Variants in MYO5A observed in about 807,000 individuals in gnomAD.
MYO5A encodes the protein myosin VA.
A neutral mutation model predicts 249.7 loss-of-function variants in MYO5A; 98 were observed. The observed-to-expected ratio is 0.39, with a 90% confidence interval of 0.33 to 0.46. The LOEUF is 0.46. MYO5A is among the 20% of genes least tolerant of loss of function. MYO5A has a pLI of 0.98. For synonymous variants in MYO5A, 778 were observed against 810.6 expected (o/e 0.96, Z 0.68); for missense variants, 1,696 against 2,308.8 (o/e 0.73, Z 5.44).
chr15:52,464,344 G>A (rs2076312501), intron 1 of MYO5A, among the ~76,000 whole-genome samples: 1 of 152,168 alleles, frequency 6.6e-6, no homozygotes, highest in African/African-American at 2.4e-5. Flanking sequence ...GTTGTTCCTA[G>A]AACACCCAAA....
intron 1 of MYO5A, among the ~76,000 whole-genome samples, chr15:52,520,554 T>C (rs1018087559): frequency 6.6e-6 from 1 of 152,212 alleles, no homozygotes; most frequent in Non-Finnish European, 1.5e-5. Context: ...CCAATGACCA[T>C]GTCTGAGCCT....
intron 41 of MYO5A, 50 bp from the exon 42 acceptor site, chr15:52,313,898 A>C (rs781650061): frequency 1.1e-5 from 17 of 1,601,528 alleles, no homozygotes; most frequent in Non-Finnish European, 1.4e-5. Context: ...CTTTGAATCT[A>C]AAAGACTTTT....
intron 34 of MYO5A, among the ~76,000 whole-genome samples, chr15:52,334,849 C>G (rs1208088275): frequency 6.6e-6 from 1 of 152,102 alleles, no homozygotes; most frequent in Non-Finnish European, 1.5e-5. Context: ...AGATGTCGGC[C>G]AAATTGTGGT....
intron 20 of MYO5A, among the ~76,000 whole-genome samples, chr15:52,374,285 C>T (rs1171827107): frequency 2.0e-5 from 3 of 152,142 alleles, no homozygotes; most frequent in African/African-American, 7.2e-5. Context: ...CAATTTTAAC[C>T]ACATTAATGT....
chr15:52,367,004 G>C, intron 23 of MYO5A, 27 bp downstream of exon 23: 1 of 1,560,204 alleles, frequency 6.4e-7, no homozygotes, highest in South Asian at 1.1e-5. Flanking sequence ...GAGGTTGGTT[G>C]GCGTGTAGTA....
chr15:52,391,683 G>A (rs1264641353), intron 12 of MYO5A, among the ~76,000 whole-genome samples: 2 of 152,150 alleles, frequency 1.3e-5, no homozygotes, highest in African/African-American at 4.8e-5. Flanking sequence ...GGCTAAAATT[G>A]TTAGTATCTA....
At chr15:52,338,431 G>T (rs1287190701) in intron 32 of MYO5A, among the ~76,000 whole-genome samples, 1 of 152,092 alleles carries the variant, frequency 6.6e-6, no homozygotes, top group Non-Finnish European at 1.5e-5. Flanking sequence ...TGTGTTTTGT[G>T]TTGGTGGTAG....
intron 33 of MYO5A, 68 bp from the exon 34 acceptor site, chr15:52,336,624 A>G (rs2039131655): frequency 9.0e-7 from 1 of 1,111,520 alleles, no homozygotes; most frequent in Admixed American, 2.0e-5. Flanking sequence ...TCAAAGGAAA[A>G]TAGACACAAT....
rs2075383408 is a variant in MYO5A, at chr15:52,425,830, C to T, written c.455G>A (p.Arg152Lys). 6.2e-7 allele frequency: 1 copy of T among 1,613,832 alleles called. No individual in the cohort carries two copies. The highest frequency in any genetic ancestry group is 8.5e-7 in the Non-Finnish European group (1 of 1,179,954). Residue 152 changes from arginine to lysine, a missense_variant and splice_region_variant, in exon 4 of 42, where the codon AGA (arginine) becomes AAA (lysine). Physicochemically the swap from Arg to Lys is conservative, Grantham distance 26. Coordinates refer to ENST00000399233, the MANE Select transcript of MYO5A (RefSeq NM_001382347.1). Reference sequence around the variant, plus strand: ...AATAACAATGAAAGCTTCTACCAACCTGGCCATTTGCTTGTAAGCTTCTTC... The same window carrying T: ...AATAACAATGAAAGCTTCTACCAACTTGGCCATTTGCTTGTAAGCTTCTTC... ...VAEEAYKQMA[R>K]DERNQSIIVS...
intron 9 of MYO5A, among the ~76,000 whole-genome samples, chr15:52,402,868 A>AAAAAC (rs369002979): frequency 3.3e-5 from 5 of 152,020 alleles, no homozygotes; most frequent in African/African-American, 7.2e-5. Context: ...CAAAAAAACA[A>AAAAAC]AAAACAAAAC....
At chr15:52,502,313 T>C (rs2077177081) in intron 1 of MYO5A, among the ~76,000 whole-genome samples, 1 of 152,020 alleles carries the variant, frequency 6.6e-6, no homozygotes, top group Admixed American at 6.6e-5. Flanking sequence ...CATACATACA[T>C]AAATTTTTGA....
At chr15:52,524,206 C>T (rs2077684121) in intron 1 of MYO5A, among the ~76,000 whole-genome samples, 1 of 152,184 alleles carries the variant, frequency 6.6e-6, no homozygotes, top group Admixed American at 6.5e-5. Flanking sequence ...CAAACAGCTT[C>T]AGGTAAAAAC....
rs1042728920 is a variant in MYO5A, at chr15:52,372,430, T to C, written c.2578-67A>G. ...CTACACTCATGATTATCAATCTATG[T>C]CGGGCTGAAAATCCACACATTACCT... is the stretch of plus-strand genomic sequence containing the variant. On this transcript the variant is annotated intron_variant, in intron 20 of 41. Transcript: ENST00000399233. The C allele has an allele frequency of 1.1e-5, 17 of 1,585,230 alleles. No individual in the cohort carries two copies. The African/African-American group carries it at 2.0e-4, about 19-fold the overall frequency.
intron 32 of MYO5A, among the ~76,000 whole-genome samples, chr15:52,339,451 CA>C (rs2039279383): frequency 7.0e-6 from 1 of 143,568 alleles, no homozygotes; most frequent in African/African-American, 2.6e-5. Context: ...ATATATTTGT[CA>C]AAAAACTGTA....
At chr15:52,363,286 G>A (rs909800074) in intron 24 of MYO5A, among the ~76,000 whole-genome samples, 3 of 152,176 alleles carry the variant, frequency 2.0e-5, no homozygotes, top group Non-Finnish European at 2.9e-5. Flanking sequence ...GGTTTCAATG[G>A]GACCAACGGT....
At chr15:52,326,296 T>G (rs549110030) in intron 36 of MYO5A, among the ~76,000 whole-genome samples, 8 of 152,366 alleles carry the variant, frequency 5.3e-5, no homozygotes, top group African/African-American at 1.9e-4. Flanking sequence ...AACTTTATGA[T>G]TTAGTTTTTT....
rs148219966 is a variant in MYO5A, at chr15:52,337,608, A to G, written c.4314+202T>C. On this transcript the variant is annotated intron_variant, in intron 33 of 41. Coordinates refer to ENST00000399233, the MANE Select transcript of MYO5A (RefSeq NM_001382347.1). ...CCATCACACTGTAAGCCTAGTGTTA[A>G]TAACAAACCAAACGTGACAATGGAC... is the stretch of plus-strand genomic sequence containing the variant. Among the ~76,000 whole-genome samples the G allele has an allele frequency of 2.0e-3, 299 of 152,382 alleles. 1 individual carries two copies. Among genetic ancestry groups the G allele is most frequent in the African/African-American group, 6.5e-3 (272 of 41,596 alleles).
chr15:52,400,687 C>G (rs757234247), intron 9 of MYO5A, among the ~76,000 whole-genome samples: 1 of 152,102 alleles, frequency 6.6e-6, no homozygotes, highest in Admixed American at 6.6e-5. Flanking sequence ...GGCAGAAATA[C>G]CAGAGAAGTG....
intron 4 of MYO5A, among the ~76,000 whole-genome samples, chr15:52,418,430 G>A (rs776213272): frequency 6.6e-6 from 1 of 152,262 alleles, no homozygotes; most frequent in East Asian, 1.9e-4. Flanking sequence ...AATTGAGAGA[G>A]ACTAGAAAGG....
Sources: gnomAD v4.1 joint callset for allele counts (sites outside exome capture counted in the v4.1 genomes callset) on GRCh38, gnomAD v4.1.1 for gene constraint, MANE v1.5 for transcripts, NCBI Gene and HGNC (gene_info 2026-07-23, HGNC 2026-07-21) for gene names.